Variants in CDC42EP4 observed in about 807,000 individuals in gnomAD.
CDC42EP4 encodes CDC42 effector protein 4, also known as CDC42 effector protein (Rho GTPase binding) 4.
CDC42EP4 carries 6 observed loss-of-function variants against 5.6 expected under a neutral mutation model. That is an observed-to-expected ratio of 1.07 (90% CI 0.59 to 2.12). The LOEUF (loss-of-function observed/expected upper bound fraction) is 2.12, where lower values mean the gene tolerates loss of function less well. CDC42EP4 is among the 30% of genes most tolerant of loss of function. The pLI, the probability that CDC42EP4 is intolerant of heterozygous loss-of-function variation, is 0.00. For synonymous variants in CDC42EP4, 230 were observed against 224.2 expected (o/e 1.03, Z -0.23); for missense variants, 490 against 508.6 (o/e 0.96, Z 0.35).
intron 1 of CDC42EP4, among the ~76,000 whole-genome samples, chr17:73,303,068 G>A (rs149830937): frequency 0.038 from 5,200 of 137,174 alleles, 223 homozygotes; most frequent in African/African-American, 0.11. Context: ...AATTGGCCAG[G>A]CGCGGTGGCT....
intron 1 of CDC42EP4, among the ~76,000 whole-genome samples, chr17:73,301,166 CATT>C (rs893035019): frequency 6.6e-6 from 1 of 151,822 alleles, no homozygotes; most frequent in Admixed American, 6.6e-5. Flanking sequence ...TAAAATATCT[CATT>C]AATATTTTAG....
intron 1 of CDC42EP4, among the ~76,000 whole-genome samples, chr17:73,298,906 C>T (rs774840771): frequency 2.6e-5 from 4 of 151,752 alleles, no homozygotes; most frequent in Admixed American, 6.6e-5. Flanking sequence ...TTTTAAAGAA[C>T]GAGAAACGGA....
At chr17:73,306,905 T>G (rs752896088) in intron 1 of CDC42EP4, 5 of 152,332 alleles carry the variant, frequency 3.3e-5, no homozygotes, top group Non-Finnish European at 5.9e-5. Flanking sequence ...GAACTGCAGG[T>G]GTCTGGGCAA....
At chr17:73,300,854 C>A (rs1321623275) in intron 1 of CDC42EP4, among the ~76,000 whole-genome samples, 3 of 151,956 alleles carry the variant, frequency 2.0e-5, no homozygotes, top group African/African-American at 7.3e-5. Flanking sequence ...CGAAACCAGA[C>A]CGGCCAGCAT....
At chr17:73,301,706 C>T (rs1476740508) in intron 1 of CDC42EP4, among the ~76,000 whole-genome samples, 2 of 146,978 alleles carry the variant, frequency 1.4e-5, no homozygotes, top group African/African-American at 5.1e-5. Context: ...GCCACCATGC[C>T]CAGCTTTTTT....
Position 73,285,625 on chromosome 17 carries a change from G to C in CDC42EP4, c.876C>G (p.Ser292Arg), listed in dbSNP as rs1489340387. 6.2e-7 allele frequency: 1 copy of C among 1,602,296 alleles called. No individual in the cohort carries two copies. The highest frequency in any genetic ancestry group is 2.2e-5 in the East Asian group (1 of 44,640). The change falls in exon 2 of 2, where the codon AGC (serine) becomes AGG (arginine). Residue 292 changes from serine to arginine, a missense_variant. Transcript: ENST00000335793. The surrounding 1 kb of genome is among the most constrained non-coding windows in gnomAD (Gnocchi z 6.8). Reference sequence around the variant, plus strand: ...TGCCCATGCTGCGGGCTGAGCCGGGGCTGGGGGCCGCTGCTGCCCACCCCT... The same window carrying C: ...TGCCCATGCTGCGGGCTGAGCCGGGCCTGGGGGCCGCTGCTGCCCACCCCT... ...EDEGWAAAAP[S>R]PGSARSMGSH... is the part of the protein sequence containing the mutation.
rs768275306 is a variant in CDC42EP4 at position 73,286,543 on chromosome 17, G to A, written c.-43C>T. 2.8e-5 allele frequency: 41 copies of A among 1,483,202 alleles called. No homozygotes were observed. In the Admixed American group the frequency reaches 7.7e-4, roughly 28 times the overall value. 91.9% of individuals were successfully genotyped at this position (1,483,202 alleles called of 1,614,324 possible). A position where few individuals can be genotyped will look rare whatever the true frequency, so the allele number is the denominator to read the frequency against. ...GAGGTGGGCCCTCCCGAGGTAGCCG[G>A]CAGGTCTGGGGTCAGATCTGAAGTC... On this transcript the variant is annotated 5_prime_UTR_variant, in exon 2 of 2. Transcript: ENST00000335793. This position sits in a 1 kb window ranked among gnomAD's most constrained non-coding sequence, Gnocchi z 7.7.
At chr17:73,291,759 C>T (rs1175735892) in intron 1 of CDC42EP4, among the ~76,000 whole-genome samples, 1 of 152,156 alleles carries the variant, frequency 6.6e-6, no homozygotes, top group East Asian at 1.9e-4. Flanking sequence ...GATCACAGCT[C>T]ACAGCCCTCC....
At position 73,308,840 on chromosome 17, in the gene CDC42EP4, G is replaced by T. The variant is rs2062257830; in HGVS notation, c.-113+3053C>A. Among the ~76,000 whole-genome samples, 6 of 151,436 alleles carry T rather than the reference G, an allele frequency of 4.0e-5. No individual in the cohort carries two copies. In the South Asian group the frequency reaches 1.3e-3, roughly 32 times the overall value. On this transcript the variant is annotated intron_variant, in intron 1 of 1. Transcript: ENST00000335793. ...GCCTGAGTTCAGGAGTTCGCGACCGGCCTGGGCAACACAGTGAAACCCTGT... is the reference window on the plus strand; with the variant it reads ...GCCTGAGTTCAGGAGTTCGCGACCGTCCTGGGCAACACAGTGAAACCCTGT...
rs1229994715 is a variant in CDC42EP4, at chr17:73,286,338, T to A, written c.163A>T (p.Ser55Cys). 1 of 1,614,056 alleles carries A rather than the reference T, an allele frequency of 6.2e-7. No individual in the cohort carries two copies. The highest frequency in any genetic ancestry group is 1.3e-5 in the African/African-American group (1 of 74,960). The part of the protein sequence containing the change: ...DAFGDTSFLN[S>C]KAGEPDGESL... ...TCGCCGTCGGGCTCGCCAGCCTTGCTATTGAGGAAGGAGGTGTCCCCAAAG... is the reference window on the plus strand; with the variant it reads ...TCGCCGTCGGGCTCGCCAGCCTTGCAATTGAGGAAGGAGGTGTCCCCAAAG... Residue 55 changes from serine to cysteine, a missense_variant, in exon 2 of 2, where the codon AGC (serine) becomes TGC (cysteine). Coordinates refer to ENST00000335793, the MANE Select transcript of CDC42EP4 (RefSeq NM_012121.5). This position sits in a 1 kb window ranked among gnomAD's most constrained non-coding sequence, Gnocchi z 7.7.
chr17:73,295,017 G>T (rs528384381), intron 1 of CDC42EP4, among the ~76,000 whole-genome samples: 114 of 152,078 alleles, frequency 7.5e-4, no homozygotes, highest in Non-Finnish European at 1.3e-3. Context: ...CCACCATGTT[G>T]GCCAAGTTGG....
At chr17:73,291,765 C>T (rs2062162469) in intron 1 of CDC42EP4, among the ~76,000 whole-genome samples, 1 of 152,162 alleles carries the variant, frequency 6.6e-6, no homozygotes, top group Non-Finnish European at 1.5e-5. Flanking sequence ...AGCTCACAGC[C>T]CTCCCTAGCT....
chr17:73,301,352 C>T, intron 1 of CDC42EP4, among the ~76,000 whole-genome samples: 1 of 152,176 alleles, frequency 6.6e-6, no homozygotes, highest in East Asian at 1.9e-4. Context: ...AGCATGTTCC[C>T]TTGTAGATGG....
In CDC42EP4 at chr17:73,298,374, A is replaced by C. The variant is rs552759761; in HGVS notation, c.-112-11762T>G. Among the ~76,000 whole-genome samples, 355 of 152,330 alleles carry C rather than the reference A, an allele frequency of 2.3e-3. 1 individual carries two copies. The highest frequency in any genetic ancestry group is 4.3e-3 in the Non-Finnish European group (292 of 68,032). The stretch of plus-strand genomic sequence containing the variant: ...TCCAACAGCTGCTTCCTGATGCTTA[A>C]GCCTCCCCAGCTGAGCAGGAGATGA... On this transcript the variant is annotated intron_variant, in intron 1 of 1. Transcript: ENST00000335793.
At chr17:73,291,650 A>G (rs529802995) in intron 1 of CDC42EP4, among the ~76,000 whole-genome samples, 16 of 152,042 alleles carry the variant, frequency 1.1e-4, no homozygotes, top group Non-Finnish European at 2.2e-4. Flanking sequence ...TAGGCTGCCC[A>G]ACGTGGGGCA....
intron 1 of CDC42EP4, among the ~76,000 whole-genome samples, chr17:73,291,308 G>C (rs1281563798): frequency 1.3e-5 from 2 of 152,202 alleles, no homozygotes; most frequent in Non-Finnish European, 2.9e-5. Flanking sequence ...CCCCAGCGAG[G>C]AGGGGGCTGC....
intron 1 of CDC42EP4, among the ~76,000 whole-genome samples, chr17:73,287,088 G>A (rs2062138564): frequency 6.6e-6 from 1 of 152,178 alleles, no homozygotes. Context: ...GGAGTTAGTG[G>A]ACACCCCACC....
In CDC42EP4 at chr17:73,296,844, G is replaced by A. The variant is rs533146800; in HGVS notation, c.-112-10232C>T. 4.0e-5 allele frequency among the ~76,000 whole-genome samples: 6 copies of A among 151,502 alleles called. No homozygotes were observed. In the East Asian group the frequency reaches 5.9e-4, roughly 15 times the overall value. On this transcript the variant is annotated intron_variant, in intron 1 of 1. Coordinates refer to ENST00000335793, the MANE Select transcript of CDC42EP4 (RefSeq NM_012121.5). ...AAAATACAAAAAATTAGCCAGGCGCGGTGAGGGGGGCCTGTAGTCCCAGCT... is the reference window on the plus strand; with the variant it reads ...AAAATACAAAAAATTAGCCAGGCGCAGTGAGGGGGGCCTGTAGTCCCAGCT...
At chr17:73,299,346 C>A (rs966188593) in intron 1 of CDC42EP4, among the ~76,000 whole-genome samples, 1 of 150,264 alleles carries the variant, frequency 6.7e-6, no homozygotes, top group African/African-American at 2.5e-5. Flanking sequence ...AGGAAAATGG[C>A]GTGAACCCGG....
Sources: allele counts gnomAD v4.1 joint callset (sites outside exome capture counted in the v4.1 genomes callset), GRCh38; gene constraint gnomAD v4.1.1; non-coding constraint Gnocchi (gnomAD v3.1); transcripts MANE v1.5; gene names NCBI Gene and HGNC (gene_info 2026-07-23, HGNC 2026-07-21).